ASB3: variants seen among roughly 807,000 people sequenced by gnomAD.
The protein encoded by ASB3 is ankyrin repeat and SOCS box protein 3.
In ASB3, 41 loss-of-function variants were observed where a neutral mutation model predicts 54.5. That is an observed-to-expected ratio of 0.75 (90% CI 0.59 to 0.98). The LOEUF (loss-of-function observed/expected upper bound fraction) is 0.98. ASB3 is among the 50% of genes least tolerant of loss of function. The pLI is 0.00. For synonymous variants in ASB3, 266 were observed against 221.2 expected (o/e 1.20, Z -1.80); for missense variants, 733 against 620.0 (o/e 1.18, Z -1.94).
intron 3 of ASB3, among the ~76,000 whole-genome samples, chr2:53,737,016 T>C (rs116269585): frequency 6.6e-6 from 1 of 152,280 alleles, no homozygotes; most frequent in African/African-American, 2.4e-5. Flanking sequence ...AAAGAAGATA[T>C]TGATTTCTCT....
chr2:53,713,754 A>T (rs1237999698), intron 7 of ASB3, among the ~76,000 whole-genome samples: 1 of 152,006 alleles, frequency 6.6e-6, no homozygotes, highest in Non-Finnish European at 1.5e-5. Context: ...CTCTACTAAA[A>T]ATAAAAACAT....
intron 3 of ASB3, among the ~76,000 whole-genome samples, chr2:53,741,650 C>T (rs956104800): frequency 6.6e-6 from 1 of 152,096 alleles, no homozygotes; most frequent in African/African-American, 2.4e-5. Context: ...CTACCATATA[C>T]TAGAATTCAA....
At chr2:53,690,422 G>A (rs1305111893) in intron 9 of ASB3, among the ~76,000 whole-genome samples, 8 of 152,106 alleles carry the variant, frequency 5.3e-5, no homozygotes, top group Admixed American at 2.6e-4. Context: ...TAATGACTAC[G>A]TAGGAACTGC....
In ASB3 at chr2:53,750,809, A is replaced by G. The variant is rs774061607; in HGVS notation, c.329T>C (p.Leu110Ser). ...EAGADPNATTLEETTPLFLAV... is the reference protein window; with the variant it reads ...EAGADPNATTSEETTPLFLAV... ...TAAAAACAATGGTGTCGTTTCTTCT[A>G]AAGTAGTTGCATTAGGATCTGCCCC... is the stretch of plus-strand genomic sequence containing the variant. Residue 110 changes from leucine (L) to serine (S), a missense_variant, in exon 3 of 10, where the codon TTA (leucine) becomes TCA (serine). Leu to Ser is a moderately radical substitution (Grantham distance 145). Coordinates refer to ENST00000263634, the MANE Select transcript of ASB3 (RefSeq NM_016115.5). 7 of 1,587,376 alleles carry G rather than the reference A, an allele frequency of 4.4e-6. No homozygotes were observed. The Admixed American group carries it at 1.1e-4, about 24-fold the overall frequency.
At chr2:53,688,160 G>A (rs1268334072) in intron 9 of ASB3, among the ~76,000 whole-genome samples, 1 of 152,190 alleles carries the variant, frequency 6.6e-6, no homozygotes, top group African/African-American at 2.4e-5. Flanking sequence ...CTGACTCTGG[G>A]ATAGGATCTG....
intron 8 of ASB3, among the ~76,000 whole-genome samples, chr2:53,698,187 G>C (rs868212026): frequency 6.6e-6 from 1 of 152,138 alleles, no homozygotes; most frequent in Non-Finnish European, 1.5e-5. Context: ...TACAGAATTA[G>C]TACCACCCCA....
chr2:53,710,750 T>C (rs1468545428), intron 7 of ASB3, among the ~76,000 whole-genome samples: 1 of 152,206 alleles, frequency 6.6e-6, no homozygotes, highest in African/African-American at 2.4e-5. Context: ...AAGCCTTGAC[T>C]TTCCTGCTTT....
chr2:53,693,764 A>AATTATGTCTAATAATTT, intron 9 of ASB3, 120 bp downstream of exon 9: 2 of 1,401,872 alleles, frequency 1.4e-6, no homozygotes, highest in African/African-American at 1.5e-5. Context: ...CACATAAGAA[A>AATTATGTCTAATAATTT]ATGCAAATTA....
chr2:53,680,616 A>G (rs1668319746), intron 9 of ASB3, among the ~76,000 whole-genome samples: 1 of 152,188 alleles, frequency 6.6e-6, no homozygotes, highest in Non-Finnish European at 1.5e-5. Context: ...GTAGGTGTAT[A>G]TATTTATGGG....
At chr2:53,671,121 A>G (rs1236892020) in intron 9 of ASB3, among the ~76,000 whole-genome samples, 1 of 152,210 alleles carries the variant, frequency 6.6e-6, no homozygotes, top group Non-Finnish European at 1.5e-5. Flanking sequence ...CTTTTTATCC[A>G]TAACATAAAA....
intron 1 of ASB3, chr2:53,772,013 G>C: frequency 1.1e-6 from 1 of 877,632 alleles, no homozygotes; most frequent in South Asian, 1.7e-5. Context: ...GTTTCAATTT[G>C]ATTAACAATC....
chr2:53,751,003 G>T, intron 2 of ASB3, 62 bp from the exon 3 acceptor site: 1 of 1,402,040 alleles, frequency 7.1e-7, no homozygotes, highest in Non-Finnish European at 9.3e-7. Flanking sequence ...GTTTTAAAAA[G>T]CAAAGATTCC....
At chr2:53,771,427 T>C (rs1673900477) in intron 1 of ASB3, among the ~76,000 whole-genome samples, 1 of 152,070 alleles carries the variant, frequency 6.6e-6, no homozygotes, top group Non-Finnish European at 1.5e-5. Context: ...GTGAGAGAAT[T>C]GCTTGAGCCC....
At chr2:53,781,492 T>C (rs1225792207) in intron 1 of ASB3, among the ~76,000 whole-genome samples, 1 of 147,204 alleles carries the variant, frequency 6.8e-6, no homozygotes, top group East Asian at 1.9e-4. Context: ...TTTGAGATTC[T>C]TTCCATTTTT....
intron 7 of ASB3, among the ~76,000 whole-genome samples, chr2:53,703,448 G>GA (rs1669600357): frequency 6.6e-6 from 1 of 152,124 alleles, no homozygotes; most frequent in African/African-American, 2.4e-5. Flanking sequence ...TGAATTAGCT[G>GA]AAAAAATAAT....
intron 1 of ASB3, chr2:53,767,239 T>C (rs1027710709): frequency 1.3e-5 from 2 of 152,212 alleles, no homozygotes; most frequent in African/African-American, 2.4e-5. Context: ...AAAATTTAAA[T>C]ATATAAACAA....
intron 1 of ASB3, among the ~76,000 whole-genome samples, chr2:53,771,620 C>T (rs533577316): frequency 1.3e-5 from 2 of 152,076 alleles, no homozygotes; most frequent in South Asian, 2.1e-4. Context: ...TTTTAGATGA[C>T]CTTTAGTTAC....
chr2:53,682,904 A>T (rs1183095938), intron 9 of ASB3, among the ~76,000 whole-genome samples: 1 of 152,208 alleles, frequency 6.6e-6, no homozygotes, highest in Non-Finnish European at 1.5e-5. Context: ...CCAAATATAA[A>T]ATCATATCAT....
intron 2 of ASB3, among the ~76,000 whole-genome samples, chr2:53,764,341 G>A (rs1267845651): frequency 1.3e-5 from 2 of 152,124 alleles, no homozygotes; most frequent in Non-Finnish European, 2.9e-5. Context: ...GGAAAAAAAA[G>A]GGCTTTAGAG....
Sources: allele counts gnomAD v4.1 joint callset (sites outside exome capture counted in the v4.1 genomes callset), GRCh38; gene constraint gnomAD v4.1.1; transcripts MANE v1.5; gene names NCBI Gene and HGNC (gene_info 2026-07-23, HGNC 2026-07-21).